AMBRA1: variants seen among roughly 807,000 people sequenced by gnomAD.
The protein encoded by AMBRA1 is autophagy and beclin 1 regulator 1.
A neutral mutation model predicts 125.4 loss-of-function variants in AMBRA1; 47 were observed. That is an observed-to-expected ratio of 0.37 (90% CI 0.30 to 0.48). The LOEUF is 0.48. Among genes scored for constraint, AMBRA1 ranks in the 20% least tolerant of loss-of-function variants. The pLI is 0.99. For synonymous variants in AMBRA1, 626 were observed against 655.5 expected (o/e 0.95, Z 0.69); for missense variants, 1,331 against 1,693.4 (o/e 0.79, Z 3.76).
At chr11:46,455,537 A>G (rs1344574901) in intron 11 of AMBRA1, among the ~76,000 whole-genome samples, 1 of 152,252 alleles carries the variant, frequency 6.6e-6, no homozygotes, top group Non-Finnish European at 1.5e-5. Context: ...ACAGGAAAGT[A>G]GTAAGGTCTG....
chr11:46,485,461 A>C (rs1007630565), intron 11 of AMBRA1, among the ~76,000 whole-genome samples: 4 of 152,204 alleles, frequency 2.6e-5, no homozygotes, highest in Admixed American at 1.3e-4. Context: ...TCCCTTAGCT[A>C]ATCTATCAAG....
chr11:46,506,195 G>T (rs1322752792), intron 9 of AMBRA1, among the ~76,000 whole-genome samples: 1 of 152,136 alleles, frequency 6.6e-6, no homozygotes, highest in East Asian at 1.9e-4. Flanking sequence ...CCCTAGAGTG[G>T]ACAGAAGGGA....
chr11:46,434,130 A>AG (rs1947593801), intron 13 of AMBRA1, among the ~76,000 whole-genome samples: 1 of 151,506 alleles, frequency 6.6e-6, no homozygotes, highest in African/African-American at 2.4e-5. Flanking sequence ...AAAAAAAAAA[A>AG]AAAAAAAGAA....
rs1160768710 is a variant in AMBRA1, at chr11:46,543,396, A to G, written c.621T>C (p.Gly207=). 6.2e-7 allele frequency: 1 copy of G among 1,613,556 alleles called. No homozygotes were observed. The highest frequency in any genetic ancestry group is 8.5e-7 in the Non-Finnish European group (1 of 1,179,850). The change falls in exon 7 of 18, where the codon GGT becomes GGC. Residue 207 remains glycine, a splice_region_variant and synonymous_variant. Transcript: ENST00000683756. ...TAIVNPSNQQ[G]DDEPEIPIDG... ...CTATGGGGATCTCTGGTTCGTCATCACCCTGCAACGTGGACCAGCATGGGG... is the reference window on the plus strand; with the variant it reads ...CTATGGGGATCTCTGGTTCGTCATCGCCCTGCAACGTGGACCAGCATGGGG...
intron 11 of AMBRA1, among the ~76,000 whole-genome samples, chr11:46,476,892 CAGCCAGGAGTTCG>C (rs1335230562): frequency 1.3e-5 from 2 of 152,072 alleles, no homozygotes; most frequent in Non-Finnish European, 2.9e-5. Flanking sequence ...GTGGGTGGAT[CAGCCAGGAGTTCG>C]AAACCAGCCT....
At chr11:46,468,656 A>AC (rs1364241521) in intron 11 of AMBRA1, among the ~76,000 whole-genome samples, 4 of 151,362 alleles carry the variant, frequency 2.6e-5, no homozygotes, top group Non-Finnish European at 5.9e-5. Flanking sequence ...AAAATACAAA[A>AC]AAAAAAATAG....
At chr11:46,527,456 G>C (rs1395020101) in intron 7 of AMBRA1, among the ~76,000 whole-genome samples, 2 of 116,494 alleles carry the variant, frequency 1.7e-5, no homozygotes, top group Non-Finnish European at 3.5e-5. Flanking sequence ...TTCCAGCCTA[G>C]GTGACAAAGT....
intron 11 of AMBRA1, among the ~76,000 whole-genome samples, chr11:46,455,977 T>C (rs1948829388): frequency 6.6e-6 from 1 of 152,134 alleles, no homozygotes; most frequent in African/African-American, 2.4e-5. Flanking sequence ...TGCTATAGAC[T>C]TGCCCTCCCT....
chr11:46,530,671 A>G (rs1339427103), intron 7 of AMBRA1: 7 of 152,166 alleles, frequency 4.6e-5, no homozygotes, highest in Non-Finnish European at 1.0e-4. Context: ...AATGCCTTCT[A>G]TTACTCTAGC....
At chr11:46,548,541 A>G in intron 1 of AMBRA1, 41 bp from the exon 2 acceptor site, 1 of 797,798 alleles carries the variant, frequency 1.3e-6, no homozygotes, top group South Asian at 2.2e-5. Context: ...GACTTCTGCA[A>G]CGAGAAGCTT....
intron 9 of AMBRA1, among the ~76,000 whole-genome samples, chr11:46,505,913 C>T (rs1415011343): frequency 1.3e-5 from 2 of 152,180 alleles, no homozygotes; most frequent in African/African-American, 2.4e-5. Context: ...AAAAAGATAA[C>T]GCAGTCTCCC....
chr11:46,477,370 T>G (rs1590907417), intron 11 of AMBRA1, among the ~76,000 whole-genome samples: 2 of 151,266 alleles, frequency 1.3e-5, no homozygotes, highest in Non-Finnish European at 2.9e-5. Context: ...CAGACTGGAG[T>G]GCAGTGATGT....
chr11:46,456,991 T>C (rs1451968984), intron 11 of AMBRA1, among the ~76,000 whole-genome samples: 1 of 152,200 alleles, frequency 6.6e-6, no homozygotes, highest in Non-Finnish European at 1.5e-5. Flanking sequence ...GTTAAAACTT[T>C]CCTTACAGGC....
intron 7 of AMBRA1, among the ~76,000 whole-genome samples, chr11:46,539,774 A>G (rs1952646805): frequency 6.6e-6 from 1 of 152,192 alleles, no homozygotes; most frequent in Non-Finnish European, 1.5e-5. Flanking sequence ...AGAAGGAATT[A>G]TTTCAAAGCA....
chr11:46,470,723 A>AC (rs1354102442), intron 11 of AMBRA1, among the ~76,000 whole-genome samples: 1 of 152,080 alleles, frequency 6.6e-6, no homozygotes, highest in Non-Finnish European at 1.5e-5. Context: ...TGTCTGCACC[A>AC]CCATACTCCA....
intron 8 of AMBRA1, among the ~76,000 whole-genome samples, chr11:46,510,843 A>G (rs376188754): frequency 6.6e-6 from 1 of 152,210 alleles, no homozygotes; most frequent in African/African-American, 2.4e-5. Context: ...AAAAGAAACT[A>G]AACAACCAGC....
chr11:46,408,859 G>T (rs2136616499), intron 16 of AMBRA1, among the ~76,000 whole-genome samples, 153 bp from the exon 17 acceptor site: 1 of 152,350 alleles, frequency 6.6e-6, no homozygotes, highest in African/African-American at 2.4e-5. Flanking sequence ...TCTTGATGGT[G>T]GTTAACTTGT....
At chr11:46,438,786 T>C (rs1329459467) in intron 12 of AMBRA1, among the ~76,000 whole-genome samples, 1 of 152,204 alleles carries the variant, frequency 6.6e-6, no homozygotes, top group African/African-American at 2.4e-5. Flanking sequence ...TTAAAAATCA[T>C]AGTGAATCTA....
intron 8 of AMBRA1, among the ~76,000 whole-genome samples, chr11:46,511,736 T>G (rs889916913): frequency 1.1e-4 from 17 of 152,262 alleles, no homozygotes; most frequent in Admixed American, 5.2e-4. Context: ...TCTCTGCAGA[T>G]GAATGTTATC....
Sources: allele counts gnomAD v4.1 joint callset (sites outside exome capture counted in the v4.1 genomes callset), GRCh38; gene constraint gnomAD v4.1.1; transcripts MANE v1.5; gene names NCBI Gene and HGNC (gene_info 2026-07-23, HGNC 2026-07-21).